ACADSB: variants seen among roughly 807,000 people sequenced by gnomAD.
The protein encoded by ACADSB is short/branched chain specific acyl-CoA dehydrogenase, mitochondrial.
Under a neutral mutation model 54.1 loss-of-function variants are expected in ACADSB, and 40 were observed. The observed-to-expected ratio is 0.74, with a 90% CI of 0.57 to 0.96. The LOEUF is 0.96. ACADSB is among the 40% of genes least tolerant of loss of function. The pLI, the probability that ACADSB is intolerant of heterozygous loss-of-function variation, is 0.00. For synonymous variants in ACADSB, 182 were observed against 182.8 expected, an observed-to-expected ratio of 1.00 and a Z score of 0.03; for missense variants, 530 against 510.4, an observed-to-expected ratio of 1.04 and a Z score of -0.37.
intron 2 of ACADSB, 24 bp from the exon 3 acceptor site, chr10:123,037,721 CTT>C (rs1850418260): frequency 6.7e-7 from 1 of 1,487,844 alleles, no homozygotes; most frequent in Non-Finnish European, 9.4e-7. Flanking sequence ...TTAACATAGA[CTT>C]ATCAGTAATT....
At chr10:123,044,352 G>A in intron 6 of ACADSB, 41 bp from the exon 7 acceptor site, 1 of 1,492,384 alleles carries the variant, frequency 6.7e-7, no homozygotes, top group Non-Finnish European at 9.3e-7. Flanking sequence ...ATGAATCATG[G>A]AAAATGAAAC....
intron 5 of ACADSB, among the ~76,000 whole-genome samples, chr10:123,042,153 A>G (rs1436893371): frequency 2.0e-5 from 3 of 151,792 alleles, no homozygotes; most frequent in African/African-American, 7.3e-5. Flanking sequence ...TTTTGTAGAG[A>G]CAGAGTTTCG....
chr10:123,013,446 G>A (rs1486193485), intron 1 of ACADSB, among the ~76,000 whole-genome samples: 1 of 152,256 alleles, frequency 6.6e-6, no homozygotes, highest in Non-Finnish European at 1.5e-5. Context: ...CTCACCCAGT[G>A]GATCTTGCAC....
rs1209725662 is a variant in ACADSB at position 123,056,526 on chromosome 10, T to C, written c.*2761T>C. The C allele has an allele frequency of 6.5e-6, 1 of 152,916 alleles. No individual in the cohort carries two copies. The highest frequency in any genetic ancestry group is 1.9e-4 in the East Asian group (1 of 5,216). The allele number at this position is 152,916 out of a possible 1,614,324, so 9.5% of individuals were successfully genotyped here. The stretch of plus-strand genomic sequence containing the variant: ...TTTCAGTGGGGACATAGCCAAACCA[T>C]ATCACTGGTGATGCCACTTCTTCAG... On this transcript the variant is annotated 3_prime_UTR_variant, in exon 11 of 11. Transcript: ENST00000358776.
At chr10:123,021,181 AG>A (rs1180621112) in intron 1 of ACADSB, among the ~76,000 whole-genome samples, 3 of 152,232 alleles carry the variant, frequency 2.0e-5, no homozygotes, top group East Asian at 1.9e-4. Context: ...CCCCTGCATT[AG>A]TCCACCATTA....
At chr10:123,023,278 T>C (rs1225505264) in intron 1 of ACADSB, among the ~76,000 whole-genome samples, 1 of 152,232 alleles carries the variant, frequency 6.6e-6, no homozygotes, top group Non-Finnish European at 1.5e-5. Flanking sequence ...GACAAAAATG[T>C]ATGTTGACAA....
At chr10:123,045,173 T>A (rs868499589) in intron 7 of ACADSB, among the ~76,000 whole-genome samples, 64 of 29,398 alleles carry the variant, frequency 2.2e-3, no homozygotes, top group Middle Eastern at 0.018. Flanking sequence ...ATATATATAT[T>A]TTTTTTTTTT....
chr10:123,037,146 G>T (rs1188235330), intron 2 of ACADSB, among the ~76,000 whole-genome samples: 1 of 152,202 alleles, frequency 6.6e-6, no homozygotes, highest in Non-Finnish European at 1.5e-5. Flanking sequence ...GCCGTGGCCG[G>T]GCTGCTGCTC....
chr10:123,044,453 C>A lies in ACADSB; in HGVS notation c.868C>A (p.Leu290Ile). 1.2e-6 allele frequency: 2 copies of A among 1,613,696 alleles called. No homozygotes were observed. Among genetic ancestry groups the A allele is most frequent in the Non-Finnish European group, 1.7e-6 (2 of 1,179,782 alleles). The change falls in exon 7 of 11, where the codon CTC (leucine) becomes ATC (isoleucine). Residue 290 changes from leucine to isoleucine, a missense_variant. Physicochemically the swap from Leu to Ile is conservative, Grantham distance 5. Transcript: ENST00000358776. ...TGGCTATAAGTATGCCATAGGGAGTCTCAATGAAGGTAGAATAGGAATTGC... is the reference window on the plus strand; with the variant it reads ...TGGCTATAAGTATGCCATAGGGAGTATCAATGAAGGTAGAATAGGAATTGC... ...GHGYKYAIGS[L>I]NEGRIGIAAQ...
At position 123,051,186 on chromosome 10, in the gene ACADSB, GGT is replaced by G; in HGVS notation, c.1128+1_1128+2del. 2.3e-6 allele frequency: 2 copies of G among 855,410 alleles called. No individual in the cohort carries two copies. Among genetic ancestry groups the G allele is most frequent in the Non-Finnish European group, 3.1e-6 (2 of 655,082 alleles). 53.0% of individuals were successfully genotyped at this position (855,410 alleles called of 1,614,324 possible). ...CAATGGCCAAATACTATGCATCAGA[GGT>G]AAAAAAAAAAAAAAAAAAAAAAAAG... On this transcript the variant is annotated splice_donor_variant, in intron 9 of 10. Transcript: ENST00000358776. LOFTEE classifies it high-confidence loss of function.
chr10:123,036,572 GA>G (rs1850401865), intron 2 of ACADSB, among the ~76,000 whole-genome samples: 1 of 152,174 alleles, frequency 6.6e-6, no homozygotes, highest in South Asian at 2.1e-4. Context: ...TCTAAGCACA[GA>G]AGCAATAAAG....
At chr10:123,011,825 C>T (rs1376940682) in intron 1 of ACADSB, among the ~76,000 whole-genome samples, 1 of 152,004 alleles carries the variant, frequency 6.6e-6, no homozygotes, top group Non-Finnish European at 1.5e-5. Flanking sequence ...TGAGCCACCA[C>T]ACCAGGCCGC....
At position 123,053,080 on chromosome 10, in the gene ACADSB, G is replaced by C. The variant is rs1161254679; in HGVS notation, c.1148G>C (p.Ser383Thr). 5 of 1,614,006 alleles carry C rather than the reference G, an allele frequency of 3.1e-6. No individual in the cohort carries two copies. In the East Asian group the frequency reaches 6.7e-5, roughly 22 times the overall value. ...TGGTAGATTGCAGGACAAACAACGA[G>C]TAAATGTATCGAGTGGATGGGGGGA... is the stretch of plus-strand genomic sequence containing the variant. ...YASEIAGQTT[S>T]KCIEWMGGVG... Residue 383 changes from serine to threonine, a missense_variant, in exon 10 of 11, where the codon AGT becomes ACT. Ser to Thr is a moderately conservative substitution (Grantham distance 58). Coordinates refer to ENST00000358776, the MANE Select transcript of ACADSB (RefSeq NM_001609.4).
chr10:123,047,839 A>C (rs760201464), intron 8 of ACADSB, among the ~76,000 whole-genome samples: 4 of 152,236 alleles, frequency 2.6e-5, no homozygotes, highest in Non-Finnish European at 4.4e-5. Context: ...AGAGGACTGT[A>C]CTTTGACACC....
intron 8 of ACADSB, among the ~76,000 whole-genome samples, chr10:123,047,729 G>T (rs1190049479): frequency 6.6e-6 from 1 of 152,274 alleles, no homozygotes; most frequent in African/African-American, 2.4e-5. Flanking sequence ...TGAGGTATGT[G>T]TAAAGTGTTT....
intron 3 of ACADSB, among the ~76,000 whole-genome samples, chr10:123,038,674 A>G (rs1277200318): frequency 2.0e-5 from 3 of 152,224 alleles, no homozygotes; most frequent in Non-Finnish European, 4.4e-5. Flanking sequence ...ATCTGGTTTG[A>G]AAAATAACCA....
In ACADSB at chr10:123,034,515, G is replaced by T. The variant is rs144894218; in HGVS notation, c.202G>T (p.Val68Phe). The part of the protein sequence containing the change: ...TDEEMMIKSS[V>F]KKFAQEQIAP... ...TGAGGAAATGATGATAAAGAGTTCA[G>T]GTAAGTAAATTTATCAGTGTCACCT... Residue 68 changes from valine (V) to phenylalanine (F), a missense_variant and splice_region_variant, in exon 2 of 11, where the codon GTT (valine) becomes TTT (phenylalanine). Transcript: ENST00000358776. 1.4e-4 allele frequency: 232 copies of T among 1,606,470 alleles called. No individual in the cohort carries two copies. The highest frequency in any genetic ancestry group is 1.9e-4 in the Non-Finnish European group (230 of 1,179,680).
Position 123,057,374 on chromosome 10 carries a change from G to A in ACADSB, c.*3609G>A, listed in dbSNP as rs1589748364. On this transcript the variant is annotated 3_prime_UTR_variant, in exon 11 of 11. Transcript: ENST00000358776. Reference sequence around the variant, plus strand: ...CCTACCTTCTTCCGTTAGTGCATCAGTAAATGTGTTATTTTGTCATTTTTC... The same window carrying A: ...CCTACCTTCTTCCGTTAGTGCATCAATAAATGTGTTATTTTGTCATTTTTC... 1.3e-5 allele frequency: 2 copies of A among 152,316 alleles called. No individual in the cohort carries two copies. Among genetic ancestry groups the A allele is most frequent in the East Asian group, 3.9e-4 (2 of 5,192 alleles). The allele number at this position is 152,316 out of a possible 1,614,324, so 9.4% of individuals were successfully genotyped here. A position where few individuals can be genotyped will look rare whatever the true frequency, so the allele number is the denominator to read the frequency against.
At position 123,037,809 on chromosome 10, in the gene ACADSB, A is replaced by G. The variant is rs372537859; in HGVS notation, c.265A>G (p.Met89Val). 6.2e-7 allele frequency: 1 copy of G among 1,611,554 alleles called. No individual in the cohort carries two copies. Among genetic ancestry groups the G allele is most frequent in the Admixed American group, 1.7e-5 (1 of 60,004 alleles). ...TTCAACCATGGATGAAAATTCGAAA[A>G]TGGAGAAATCAGTAATACAAGGATT... ...LVSTMDENSK[M>V]EKSVIQGLFQ... The change falls in exon 3 of 11, where the codon ATG (methionine) becomes GTG (valine). Residue 89 changes from methionine to valine, a missense_variant. Met to Val is a conservative substitution (Grantham distance 21). Transcript: ENST00000358776.
Sources: gnomAD v4.1 joint callset for allele counts (sites outside exome capture counted in the v4.1 genomes callset) on GRCh38, gnomAD v4.1.1 for gene constraint, MANE v1.5 for transcripts, NCBI Gene and HGNC (gene_info 2026-07-23, HGNC 2026-07-21) for gene names.